The following GRIP2 variants were observed in gnomAD, a reference collection of about 807,000 sequenced individuals.
The protein encoded by GRIP2 is glutamate receptor interacting protein 2.
A neutral mutation model predicts 108.3 loss-of-function variants in GRIP2; 58 were observed. The observed-to-expected ratio is 0.54, with a 90% CI of 0.43 to 0.67. The LOEUF (loss-of-function observed/expected upper bound fraction) is 0.67. Among genes scored for constraint, GRIP2 ranks in the 30% least tolerant of loss-of-function variants. The probability of loss-of-function intolerance (pLI) is 0.00; values close to 1 mark genes in which losing one functional copy is unlikely to be tolerated. For synonymous variants in GRIP2, 586 were observed against 598.2 expected (o/e 0.98, Z 0.30); for missense variants, 1,278 against 1,430.6 (o/e 0.89, Z 1.72).
rs978753781 is a variant in GRIP2, at chr3:14,507,098, T to C, written c.2219-118A>G. 4 of 963,044 alleles carry C rather than the reference T, an allele frequency of 4.2e-6. No homozygotes were observed. In the African/African-American group the frequency reaches 6.5e-5, roughly 16 times the overall value. The allele number at this position is 963,044 out of a possible 1,614,324, so 59.7% of individuals were successfully genotyped here. ...CAGTAAGCCCTTCTGAGCTGACATA[T>C]GACCATGGCACACTAATAAGCAAAC... On this transcript the variant is annotated intron_variant, in intron 18 of 23. Coordinates refer to ENST00000621039, the MANE Select transcript of GRIP2 (RefSeq NM_001080423.4). This position sits in a 1 kb window ranked among gnomAD's most constrained non-coding sequence, Gnocchi z 4.6.
chr3:14,497,503 G>C (rs1693644152), intron 21 of GRIP2, among the ~76,000 whole-genome samples: 1 of 152,182 alleles, frequency 6.6e-6, no homozygotes, highest in Admixed American at 6.5e-5. Context: ...GCAAAGCCCT[G>C]TGGTGGGGGG....
rs1324703815 is a variant in GRIP2 at position 14,491,291 on chromosome 3, A to G, written c.*2374T>C. 1 of 152,278 alleles carries G rather than the reference A, an allele frequency of 6.6e-6. No individual in the cohort carries two copies. Among genetic ancestry groups the G allele is most frequent in the African/African-American group, 2.4e-5 (1 of 41,470 alleles). The allele number at this position is 152,278 out of a possible 1,614,324, so 9.4% of individuals were successfully genotyped here. A position where few individuals can be genotyped will look rare whatever the true frequency, so the allele number is the denominator to read the frequency against. ...AAACAGACCATAAGCGGCCTTTGCAATACAGCCCCTTGTGCTTCCCGAGAG... is the reference window on the plus strand; with the variant it reads ...AAACAGACCATAAGCGGCCTTTGCAGTACAGCCCCTTGTGCTTCCCGAGAG... On this transcript the variant is annotated 3_prime_UTR_variant, in exon 24 of 24. Transcript: ENST00000621039.
the GRIP2 span, among the ~76,000 whole-genome samples, chr3:14,592,172 G>C: frequency 6.6e-6 from 1 of 152,234 alleles, no homozygotes; most frequent in Admixed American, 6.5e-5. Context: ...GCCTGTCCTA[G>C]CTGCTCCCAG....
At chr3:14,583,782 T>C in the GRIP2 span, among the ~76,000 whole-genome samples, 1 of 152,178 alleles carries the variant, frequency 6.6e-6, no homozygotes, top group Non-Finnish European at 1.5e-5. Flanking sequence ...GTGTCATGCA[T>C]ATTTATTAGG....
the GRIP2 span, among the ~76,000 whole-genome samples, chr3:14,583,246 G>A: frequency 2.0e-5 from 3 of 152,164 alleles, no homozygotes; most frequent in Admixed American, 1.3e-4. Flanking sequence ...TGTAGTTGGG[G>A]GGATTTTGGG....
At chr3:14,566,224 A>G in the GRIP2 span, among the ~76,000 whole-genome samples, 4 of 152,334 alleles carry the variant, frequency 2.6e-5, no homozygotes, top group East Asian at 7.7e-4. Context: ...GTGACAGACC[A>G]TGAGAGCCAC....
At chr3:14,599,128 G>T in the GRIP2 span, among the ~76,000 whole-genome samples, 2 of 152,082 alleles carry the variant, frequency 1.3e-5, no homozygotes, top group Admixed American at 1.3e-4. Context: ...GTTTCACAGG[G>T]TCTTTTTCTT....
the GRIP2 span, among the ~76,000 whole-genome samples, chr3:14,570,265 A>C: frequency 6.6e-6 from 1 of 152,200 alleles, no homozygotes; most frequent in Non-Finnish European, 1.5e-5. Flanking sequence ...TCTTCAGAGC[A>C]TGTGTGTCCC....
intron 17 of GRIP2, 80 bp downstream of exon 17, chr3:14,509,740 G>C (rs1694030515): frequency 3.1e-6 from 4 of 1,292,290 alleles, no homozygotes; most frequent in Non-Finnish European, 4.0e-6. Context: ...TCAGAATCTT[G>C]CTTGGCTTTG....
At chr3:14,574,419 G>C in the GRIP2 span, 1 of 736,950 alleles carries the variant, frequency 1.4e-6, no homozygotes, top group Non-Finnish European at 2.4e-6. Context: ...GGGCTGCGAG[G>C]CTGCGGTGTC....
Position 14,493,497 on chromosome 3 carries a change from C to T in GRIP2, c.*168G>A, listed in dbSNP as rs1325171707. The stretch of plus-strand genomic sequence containing the variant: ...TAGGGCAGGACCTCCCTGCCTGGCA[C>T]CCCAGTCACCACAGACCTGGGGAAC... On this transcript the variant is annotated 3_prime_UTR_variant, in exon 24 of 24. Coordinates refer to ENST00000621039, the MANE Select transcript of GRIP2 (RefSeq NM_001080423.4). The T allele has an allele frequency of 1.2e-6, 1 of 830,830 alleles. No homozygotes were observed. The highest frequency in any genetic ancestry group is 1.8e-6 in the Non-Finnish European group (1 of 561,420). The allele number at this position is 830,830 out of a possible 1,614,324, so 51.5% of individuals were successfully genotyped here. A position where few individuals can be genotyped will look rare whatever the true frequency, so the allele number is the denominator to read the frequency against.
chr3:14,581,367 G>A, the GRIP2 span, among the ~76,000 whole-genome samples: 9 of 152,268 alleles, frequency 5.9e-5, no homozygotes, highest in South Asian at 1.0e-3. Context: ...CCTGGCTTAC[G>A]GATGAGTTGG....
chr3:14,573,047 G>T, the GRIP2 span: 1 of 1,382,846 alleles, frequency 7.2e-7, no homozygotes, highest in Non-Finnish European at 1.0e-6. Context: ...TGCTGAAGCT[G>T]ATGTAGCGCT....
intron 1 of GRIP2, among the ~76,000 whole-genome samples, chr3:14,534,910 T>G (rs1439488993): frequency 2.6e-5 from 4 of 152,144 alleles, no homozygotes; most frequent in African/African-American, 9.7e-5. Context: ...GGGTCCTGCC[T>G]AAGCGGGTGG....
chr3:14,567,878 A>G, the GRIP2 span, among the ~76,000 whole-genome samples: 1 of 152,166 alleles, frequency 6.6e-6, no homozygotes, highest in African/African-American at 2.4e-5. Context: ...GTGGTGTGAG[A>G]TGGTTATGAG....
rs962680646 is a variant in GRIP2 at position 14,509,875 on chromosome 3, C to T, written c.2023G>A (p.Glu675Lys). 6 of 1,543,142 alleles carry T rather than the reference C, an allele frequency of 3.9e-6. No homozygotes were observed. In the African/African-American group the frequency reaches 6.9e-5, roughly 18 times the overall value. The stretch of plus-strand genomic sequence containing the variant: ...GAGATGACAATGGGGTCAAAAGGTT[C>T]CTCCGTGCCCGAAATGGTGATGCCC... The part of the protein sequence containing the change: ...PLGITISGTE[E>K]PFDPIVISGL... The change falls in exon 17 of 24, where the codon GAA becomes AAA. Residue 675 changes from glutamate to lysine, a missense_variant. By Grantham distance (56) the Glu-to-Lys change is moderately conservative. Coordinates refer to ENST00000621039, the MANE Select transcript of GRIP2 (RefSeq NM_001080423.4).
At chr3:14,591,561 A>C in the GRIP2 span, among the ~76,000 whole-genome samples, 1 of 152,198 alleles carries the variant, frequency 6.6e-6, no homozygotes, top group Non-Finnish European at 1.5e-5. Flanking sequence ...ACAGGGGCTT[A>C]ATAATGGTTT....
the GRIP2 span, among the ~76,000 whole-genome samples, chr3:14,575,299 G>A: frequency 1.3e-5 from 2 of 152,220 alleles, no homozygotes; most frequent in Non-Finnish European, 2.9e-5. Context: ...GGCCTGGGAT[G>A]AGCATTCTGA....
chr3:14,570,791 T>C, the GRIP2 span, among the ~76,000 whole-genome samples: 1 of 152,232 alleles, frequency 6.6e-6, no homozygotes, highest in Non-Finnish European at 1.5e-5. Flanking sequence ...AGCTACCCAG[T>C]GGTGAGAAGC....
Sources: gnomAD v4.1 joint callset for allele counts (sites outside exome capture counted in the v4.1 genomes callset) on GRCh38, gnomAD v4.1.1 for gene constraint, Gnocchi (gnomAD v3.1) non-coding constraint, MANE v1.5 for transcripts, NCBI Gene and HGNC (gene_info 2026-07-23, HGNC 2026-07-21) for gene names.